Variants in CNTFR observed in about 807,000 individuals in gnomAD.
CNTFR encodes the protein ciliary neurotrophic factor receptor.
A neutral mutation model predicts 40.4 loss-of-function variants in CNTFR; 12 were observed. The ratio of observed to expected loss-of-function variants is 0.30; its 90% CI spans 0.19 to 0.48. CNTFR has a LOEUF of 0.48. Ranked by LOEUF, CNTFR falls within the 20% of genes least tolerant of loss-of-function variation. CNTFR has a pLI of 0.99. For synonymous variants in CNTFR, 202 were observed against 209.6 expected (o/e 0.96, Z 0.31); for missense variants, 414 against 506.8 (o/e 0.82, Z 1.76).
At chr9:34,563,081 C>T (rs1826134941) in intron 4 of CNTFR, among the ~76,000 whole-genome samples, 1 of 152,140 alleles carries the variant, frequency 6.6e-6, no homozygotes, top group Non-Finnish European at 1.5e-5. Flanking sequence ...TATCCATCTC[C>T]AGCAGAGGCC....
At chr9:34,562,489 C>G (rs1219735736) in intron 4 of CNTFR, among the ~76,000 whole-genome samples, 2 of 152,240 alleles carry the variant, frequency 1.3e-5, no homozygotes, top group East Asian at 3.8e-4. Context: ...TTTCACACCT[C>G]TTTAAGCCCT....
chr9:34,569,991 G>A (rs1826511708), intron 2 of CNTFR: 1 of 152,160 alleles, frequency 6.6e-6, no homozygotes, highest in African/African-American at 2.4e-5. Flanking sequence ...ACACTTGATG[G>A]CAGGGAAATA....
chr9:34,551,946 T>C lies in CNTFR; in HGVS notation c.*125A>G. 1 of 735,870 alleles carries C rather than the reference T, an allele frequency of 1.4e-6. No individual in the cohort carries two copies. The highest frequency in any genetic ancestry group is 1.5e-5 in the South Asian group (1 of 67,942). The allele number at this position is 735,870 out of a possible 1,614,324, so 45.6% of individuals were successfully genotyped here. A position where few individuals can be genotyped will look rare whatever the true frequency, so the allele number is the denominator to read the frequency against. On this transcript the variant is annotated 3_prime_UTR_variant, in exon 10 of 10. Transcript: ENST00000378980. The stretch of plus-strand genomic sequence containing the variant: ...CGGGCCCGCCGGGGTCTCCACAAAT[T>C]GTGTCTGAAGAGAATGCAAAAGGTC...
Position 34,589,057 on chromosome 9 carries a change from G to GCA in CNTFR, c.-112+496_-112+497dup, listed in dbSNP as rs148967904. ...TGGGGACGCCGACCGACACACACAT[G>GCA]CACACACACACGCGCGCGCGGGCGC... On this transcript the variant is annotated intron_variant, in intron 1 of 9. Transcript: ENST00000378980. This position sits in a 1 kb window ranked among gnomAD's most constrained non-coding sequence, Gnocchi z 4.4. Among the ~76,000 whole-genome samples the GCA allele has an allele frequency of 1.3e-5, 2 of 151,988 alleles. No individual in the cohort carries two copies. The highest frequency in any genetic ancestry group is 6.5e-5 in the Admixed American group (1 of 15,274).
At chr9:34,566,100 C>T (rs1182175662) in intron 3 of CNTFR, among the ~76,000 whole-genome samples, 2 of 152,116 alleles carry the variant, frequency 1.3e-5, no homozygotes, top group Non-Finnish European at 2.9e-5. Context: ...GTTAACACCA[C>T]CAAGACTGCA....
intron 1 of CNTFR, chr9:34,582,276 C>CAAAAAAAA (rs10601840): frequency 0.016 from 1,982 of 126,080 alleles, 85 homozygotes; most frequent in African/African-American, 0.059. Context: ...AACCCTATGG[C>CAAAAAAAA]AAAAAAAAAA....
intron 4 of CNTFR, among the ~76,000 whole-genome samples, chr9:34,559,593 C>T (rs1825985858): frequency 6.6e-6 from 1 of 152,252 alleles, no homozygotes; most frequent in African/African-American, 2.4e-5. Flanking sequence ...TCCCTGTCTG[C>T]CCACGGGTGC....
In CNTFR at chr9:34,557,650, G is replaced by C; in HGVS notation, c.480C>G (p.Leu160=). 1 of 1,614,210 alleles carries C rather than the reference G, an allele frequency of 6.2e-7. No homozygotes were observed. The highest frequency in any genetic ancestry group is 8.5e-7 in the Non-Finnish European group (1 of 1,180,022). Residue 160 remains leucine, a synonymous_variant, in exon 6 of 10, where the codon CTC becomes CTG. Transcript: ENST00000378980. This position sits in a 1 kb window ranked among gnomAD's most constrained non-coding sequence, Gnocchi z 4.2. ...TGTAGCGAATGTGGCAGCGGTTCTT[G>C]AGGGCTGGGTCCTTCTCACAGACCA... ...KIMVCEKDPA[L]KNRCHIRYMH...
chr9:34,552,062 G>C lies in CNTFR; in HGVS notation c.*9C>G. Reference sequence around the variant, plus strand: ...CAGGTGCTCTGCATGTCCTCATGGGGTGCCGGGCTCTGTAGAGACAGGCAG... The same window carrying C: ...CAGGTGCTCTGCATGTCCTCATGGGCTGCCGGGCTCTGTAGAGACAGGCAG... On this transcript the variant is annotated 3_prime_UTR_variant, in exon 10 of 10. Coordinates refer to ENST00000378980, the MANE Select transcript of CNTFR (RefSeq NM_147164.3). The surrounding 1 kb of genome is among the most constrained non-coding windows in gnomAD (Gnocchi z 5.1). The C allele has an allele frequency of 6.9e-7, 1 of 1,457,586 alleles. No individual in the cohort carries two copies. Among genetic ancestry groups the C allele is most frequent in the African/African-American group, 1.4e-5 (1 of 72,062 alleles). 90.3% of individuals were successfully genotyped at this position (1,457,586 alleles called of 1,614,324 possible).
chr9:34,584,544 C>A (rs1051841874), intron 1 of CNTFR, among the ~76,000 whole-genome samples: 1 of 152,176 alleles, frequency 6.6e-6, no homozygotes, highest in Non-Finnish European at 1.5e-5. Context: ...CATTAATAAC[C>A]AATACAGACA....
Position 34,552,651 on chromosome 9 carries a change from G to A in CNTFR, c.949+23C>T. ...GGCCTCCAGGACAGCAAAGCCAGGA[G>A]GTAGGGGCGGGAGCAAGCTCACCCG... On this transcript the variant is annotated intron_variant, in intron 8 of 9. Transcript: ENST00000378980. The surrounding 1 kb of genome is among the most constrained non-coding windows in gnomAD (Gnocchi z 5.1). The A allele has an allele frequency of 6.2e-7, 1 of 1,609,082 alleles. No homozygotes were observed. Among genetic ancestry groups the A allele is most frequent in the East Asian group, 2.2e-5 (1 of 44,848 alleles).
chr9:34,589,719 C>G lies in CNTFR; in HGVS notation c.-276G>C, dbSNP rs1827700258. ...CCGCTGCCGCCGCCGCCGCCGCCCGCTCTGCACCGGCTCTTCAGCGCTCGG... is the reference window on the plus strand; with the variant it reads ...CCGCTGCCGCCGCCGCCGCCGCCCGGTCTGCACCGGCTCTTCAGCGCTCGG... On this transcript the variant is annotated 5_prime_UTR_variant, in exon 1 of 10. Transcript: ENST00000378980. The surrounding 1 kb of genome is among the most constrained non-coding windows in gnomAD (Gnocchi z 4.4). 6.4e-6 allele frequency: 1 copy of G among 156,618 alleles called. No homozygotes were observed. Among genetic ancestry groups the G allele is most frequent in the Non-Finnish European group, 1.4e-5 (1 of 71,996 alleles). 9.7% of individuals were successfully genotyped at this position (156,618 alleles called of 1,614,324 possible).
At chr9:34,569,240 C>A (rs1826464491) in intron 2 of CNTFR, among the ~76,000 whole-genome samples, 1 of 152,156 alleles carries the variant, frequency 6.6e-6, no homozygotes, top group Non-Finnish European at 1.5e-5. Context: ...GGCTCAAGAT[C>A]TTCTTTCAGG....
intron 7 of CNTFR, among the ~76,000 whole-genome samples, chr9:34,555,517 C>CCTCTGGCTGTTCCCCAGAG (rs1410937575): frequency 1.3e-5 from 2 of 152,146 alleles, no homozygotes; most frequent in Non-Finnish European, 2.9e-5. Context: ...CTGCCCCAGA[C>CCTCTGGCTGTTCCCCAGAG]CTCTGGCTGT....
intron 2 of CNTFR, among the ~76,000 whole-genome samples, chr9:34,579,454 A>T (rs1017873737): frequency 6.6e-6 from 1 of 152,072 alleles, no homozygotes; most frequent in African/African-American, 2.4e-5. Flanking sequence ...TGGGAGACAG[A>T]GACAAATCAG....
chr9:34,577,567 C>T lies in CNTFR; in HGVS notation c.-1+3528G>A, dbSNP rs76341882. 2.3e-4 allele frequency among the ~76,000 whole-genome samples: 29 copies of T among 125,770 alleles called. No individual in the cohort carries two copies. In the East Asian group the frequency reaches 6.4e-3, roughly 28 times the overall value. The allele number at this position is 125,770 out of a possible 152,430, so 82.5% of individuals were successfully genotyped here. On this transcript the variant is annotated intron_variant, in intron 2 of 9. Transcript: ENST00000378980. The stretch of plus-strand genomic sequence containing the variant: ...CAAATGAAACCAGGCAAGAGGCCCA[C>T]AGGATGTGAGAAAAGAAAGATATCA...
At chr9:34,585,098 G>A (rs1010030841) in intron 1 of CNTFR, among the ~76,000 whole-genome samples, 2 of 152,178 alleles carry the variant, frequency 1.3e-5, no homozygotes, top group Non-Finnish European at 2.9e-5. Context: ...ACATGGTCGT[G>A]CCCACAGGGA....
intron 2 of CNTFR, among the ~76,000 whole-genome samples, chr9:34,579,255 T>C (rs904421140): frequency 2.6e-5 from 4 of 151,738 alleles, no homozygotes; most frequent in Non-Finnish European, 5.9e-5. Flanking sequence ...GCCTGATTAA[T>C]GGGGTTACGG....
chr9:34,574,298 C>G (rs1289367903), intron 2 of CNTFR, among the ~76,000 whole-genome samples: 2 of 152,194 alleles, frequency 1.3e-5, no homozygotes, highest in Non-Finnish European at 2.9e-5. Context: ...TTTCTCCCTC[C>G]TGTCTCCGAA....
Sources: gnomAD v4.1 joint callset for allele counts (sites outside exome capture counted in the v4.1 genomes callset) on GRCh38, gnomAD v4.1.1 for gene constraint, Gnocchi (gnomAD v3.1) non-coding constraint, MANE v1.5 for transcripts, NCBI Gene and HGNC (gene_info 2026-07-23, HGNC 2026-07-21) for gene names.